DDX10: variants seen among roughly 807,000 people sequenced by gnomAD.
The protein encoded by DDX10 is probable ATP-dependent RNA helicase DDX10.
A neutral mutation model predicts 104.3 loss-of-function variants in DDX10; 74 were observed. The observed-to-expected ratio is 0.71, with a 90% CI of 0.59 to 0.86. The LOEUF is 0.86. Among genes scored for constraint, DDX10 ranks in the 40% least tolerant of loss-of-function variants. The pLI, the probability that DDX10 is intolerant of heterozygous loss-of-function variation, is 0.00. For missense variants in DDX10, 952 were observed against 1,040.0 expected, an observed-to-expected ratio of 0.92 and a Z score of 1.16; for synonymous variants, 351 against 353.4, an observed-to-expected ratio of 0.99 and a Z score of 0.08.
chr11:108,899,456 A>G (rs746326895), intron 16 of DDX10, among the ~76,000 whole-genome samples: 1 of 150,656 alleles, frequency 6.6e-6, no homozygotes, highest in Non-Finnish European at 1.5e-5. Context: ...ACCTGTTTAT[A>G]TTTTCACATT....
intron 17 of DDX10, among the ~76,000 whole-genome samples, chr11:108,934,970 G>A (rs11212816): frequency 0.46 from 69,268 of 151,968 alleles, 19,091 homozygotes; most frequent in Non-Finnish European, 0.61. Flanking sequence ...AAAATCCATT[G>A]AAATGTTGCC....
At chr11:108,678,722 T>A (rs1676403) in intron 5 of DDX10, among the ~76,000 whole-genome samples, 2 of 149,904 alleles carry the variant, frequency 1.3e-5, no homozygotes, top group Non-Finnish European at 3.0e-5. Flanking sequence ...AAGGTCAAAT[T>A]GGCATTTTTT....
intron 15 of DDX10, among the ~76,000 whole-genome samples, chr11:108,849,896 T>C (rs1247332635): frequency 6.6e-6 from 1 of 152,132 alleles, no homozygotes; most frequent in Non-Finnish European, 1.5e-5. Flanking sequence ...ATAAACCGTC[T>C]TTAGAAAATT....
At chr11:108,873,436 T>A (rs1863109090) in intron 16 of DDX10, among the ~76,000 whole-genome samples, 1 of 152,202 alleles carries the variant, frequency 6.6e-6, no homozygotes, top group African/African-American at 2.4e-5. Flanking sequence ...CAGAGAAAGA[T>A]GTTTTTGAAT....
At chr11:108,694,655 C>T (rs1429207690) in intron 9 of DDX10, among the ~76,000 whole-genome samples, 3 of 152,044 alleles carry the variant, frequency 2.0e-5, no homozygotes, top group African/African-American at 7.2e-5. Context: ...CCGAGGTGGG[C>T]GGATCACGAG....
chr11:108,928,594 TGACA>T (rs1300094888), intron 17 of DDX10, among the ~76,000 whole-genome samples: 2 of 152,190 alleles, frequency 1.3e-5, no homozygotes, highest in Admixed American at 1.3e-4. Flanking sequence ...TTTGGGGATT[TGACA>T]GACCTGAGTT....
intron 13 of DDX10, among the ~76,000 whole-genome samples, chr11:108,812,745 G>C (rs1383103329): frequency 1.3e-5 from 2 of 152,088 alleles, no homozygotes; most frequent in Non-Finnish European, 2.9e-5. Flanking sequence ...TCTTTGGGAG[G>C]CTGAGGTGGG....
chr11:108,684,043 A>G (rs540182262), intron 6 of DDX10, among the ~76,000 whole-genome samples: 2 of 151,240 alleles, frequency 1.3e-5, no homozygotes, highest in African/African-American at 4.8e-5. Context: ...TCGCTAGTAG[A>G]TGCTTCAAGT....
At chr11:108,872,239 T>C (rs1461475942) in intron 16 of DDX10, among the ~76,000 whole-genome samples, 2 of 152,244 alleles carry the variant, frequency 1.3e-5, no homozygotes, top group Admixed American at 6.5e-5. Flanking sequence ...GATGACTAAT[T>C]GTATTCAAAG....
chr11:108,767,159 C>T (rs900627220), intron 13 of DDX10, among the ~76,000 whole-genome samples: 10 of 152,084 alleles, frequency 6.6e-5, no homozygotes, highest in African/African-American at 2.4e-4. Context: ...ATTTCAGCTG[C>T]CAGTAAACAA....
intron 15 of DDX10, among the ~76,000 whole-genome samples, chr11:108,841,837 A>G (rs537295456): frequency 1.3e-5 from 2 of 152,302 alleles, no homozygotes; most frequent in African/African-American, 4.8e-5. Flanking sequence ...GGAATGTTTT[A>G]TATAAAACTA....
intron 8 of DDX10, 63 bp from the exon 9 acceptor site, chr11:108,693,452 TA>T (rs2094255478): frequency 1.7e-6 from 2 of 1,166,816 alleles, no homozygotes; most frequent in Admixed American, 1.7e-5. Flanking sequence ...TATTTTAAGA[TA>T]AAAATAGTGC....
In DDX10 at chr11:108,788,739, A is replaced by G. The variant is rs566412739; in HGVS notation, c.1966-49707A>G. Among the ~76,000 whole-genome samples the G allele has an allele frequency of 2.6e-5, 4 of 152,334 alleles. 1 individual carries two copies. The South Asian group carries it at 6.2e-4, about 24-fold the overall frequency. On this transcript the variant is annotated intron_variant, in intron 13 of 17. Coordinates refer to ENST00000322536, the MANE Select transcript of DDX10 (RefSeq NM_004398.4). The stretch of plus-strand genomic sequence containing the variant: ...TTTTGGTGGTGTATTTTGGGCTGCA[A>G]TCCAGTAGGTGGTGCTTCAGAATGT...
intron 16 of DDX10, among the ~76,000 whole-genome samples, chr11:108,857,448 G>A (rs1862885477): frequency 6.6e-6 from 1 of 152,060 alleles, no homozygotes; most frequent in African/African-American, 2.4e-5. Context: ...CCTGCTTTTG[G>A]AACTACTCCC....
chr11:108,744,506 TA>T (rs2094329044), intron 13 of DDX10, among the ~76,000 whole-genome samples: 1 of 152,174 alleles, frequency 6.6e-6, no homozygotes, highest in African/African-American at 2.4e-5. Flanking sequence ...ACTGATGAAA[TA>T]ATTAAAAATA....
At chr11:108,682,512 C>G (rs757004082) in intron 6 of DDX10, among the ~76,000 whole-genome samples, 1 of 152,140 alleles carries the variant, frequency 6.6e-6, no homozygotes, top group African/African-American at 2.4e-5. Context: ...TGTTTACACC[C>G]TATGTTTTTA....
intron 16 of DDX10, among the ~76,000 whole-genome samples, chr11:108,877,151 C>A (rs1261465798): frequency 6.6e-6 from 1 of 152,100 alleles, no homozygotes; most frequent in Non-Finnish European, 1.5e-5. Flanking sequence ...TGGATGAAAT[C>A]CTCGTTGTCT....
intron 16 of DDX10, among the ~76,000 whole-genome samples, chr11:108,895,844 CT>C (rs1863433058): frequency 6.6e-6 from 1 of 152,100 alleles, no homozygotes; most frequent in Non-Finnish European, 1.5e-5. Flanking sequence ...TGTTTTCAGA[CT>C]AATGAAAAGT....
intron 11 of DDX10, among the ~76,000 whole-genome samples, chr11:108,718,587 G>C (rs4027488): frequency 6.6e-6 from 1 of 151,956 alleles, no homozygotes; most frequent in African/African-American, 2.4e-5. Context: ...ACATTGGAAA[G>C]ATGTTTTTTC....
Sources: gnomAD v4.1 joint callset for allele counts (sites outside exome capture counted in the v4.1 genomes callset) on GRCh38, gnomAD v4.1.1 for gene constraint, MANE v1.5 for transcripts, NCBI Gene and HGNC (gene_info 2026-07-23, HGNC 2026-07-21) for gene names.